SATB2: variants seen among roughly 807,000 people sequenced by gnomAD.
SATB2 encodes the protein DNA-binding protein SATB2.
A neutral mutation model predicts 73.4 loss-of-function variants in SATB2; 1 was observed. The ratio of observed to expected loss-of-function variants is 0.01; its 90% CI spans 0.00 to 0.06. SATB2 has a LOEUF of 0.06. Among genes scored for constraint, SATB2 ranks in the 10% least tolerant of loss-of-function variants. The pLI, the probability that SATB2 is intolerant of heterozygous loss-of-function variation, is 1.00. For synonymous variants in SATB2, 397 were observed against 367.0 expected (o/e 1.08, Z -0.93); for missense variants, 459 against 945.8 (o/e 0.49, Z 6.75).
chr2:199,400,879 A>G (rs1690450601), intron 3 of SATB2, among the ~76,000 whole-genome samples: 1 of 152,168 alleles, frequency 6.6e-6, no homozygotes, highest in African/African-American at 2.4e-5. Flanking sequence ...TACCTGAGAA[A>G]TCTCCAATTG....
At chr2:199,417,285 C>G (rs918466082) in intron 3 of SATB2, among the ~76,000 whole-genome samples, 2 of 151,990 alleles carry the variant, frequency 1.3e-5, no homozygotes, top group Non-Finnish European at 2.9e-5. Flanking sequence ...TCAAGGGTGA[C>G]AAGTTCAGTT....
chr2:199,388,573 T>C (rs1389532986), intron 3 of SATB2, among the ~76,000 whole-genome samples: 1 of 152,178 alleles, frequency 6.6e-6, no homozygotes, highest in Non-Finnish European at 1.5e-5. Flanking sequence ...CCCAGCAAGA[T>C]ATCCAGCAGT....
chr2:199,351,899 C>A (rs2105827477), intron 6 of SATB2, among the ~76,000 whole-genome samples: 1 of 152,292 alleles, frequency 6.6e-6, no homozygotes, highest in Admixed American at 6.5e-5. Context: ...GAGACCGAGT[C>A]TCACTCTGTT....
rs556517608 is a variant in SATB2, at chr2:199,308,558, A to G, written c.1740+202T>C. Among the ~76,000 whole-genome samples, 1 of 151,504 alleles carries G rather than the reference A, an allele frequency of 6.6e-6. No homozygotes were observed. Among genetic ancestry groups the G allele is most frequent in the East Asian group, 1.9e-4 (1 of 5,152 alleles). On this transcript the variant is annotated intron_variant, in intron 10 of 10. Transcript: ENST00000417098. The surrounding 1 kb of genome is among the most constrained non-coding windows in gnomAD (Gnocchi z 4.6). ...TTTCTTTGTGTGTGCATACACACAC[A>G]CACACGCACGCACATGCACACACAC...
At chr2:199,368,471 G>A in intron 6 of SATB2, 134 bp downstream of exon 6, 1 of 663,490 alleles carries the variant, frequency 1.5e-6, no homozygotes, top group Middle Eastern at 3.8e-4. Context: ...TCTCATGACA[G>A]GAATATTAAA....
chr2:199,406,608 T>C (rs1690636168), intron 3 of SATB2, among the ~76,000 whole-genome samples: 1 of 152,196 alleles, frequency 6.6e-6, no homozygotes, highest in Non-Finnish European at 1.5e-5. Flanking sequence ...AATACATTTA[T>C]GAAGGTGAAC....
intron 2 of SATB2, among the ~76,000 whole-genome samples, chr2:199,447,586 G>A (rs1369040383): frequency 6.6e-6 from 1 of 152,122 alleles, no homozygotes; most frequent in Non-Finnish European, 1.5e-5. Context: ...AAAAAAGGAG[G>A]GGGAGAGAGT....
rs899419186 is a variant in SATB2, at chr2:199,321,332, T to C, written c.1542+2471A>G. ...ATACACGTCTATGTATAGACATATA[T>C]GTATGTACATATGTCTATGTATAGA... On this transcript the variant is annotated intron_variant, in intron 9 of 10. Coordinates refer to ENST00000417098, the MANE Select transcript of SATB2 (RefSeq NM_001172509.2). 3.3e-5 allele frequency among the ~76,000 whole-genome samples: 5 copies of C among 151,552 alleles called. No individual in the cohort carries two copies. In the Admixed American group the frequency reaches 3.3e-4, roughly 10 times the overall value.
At chr2:199,403,227 T>C (rs946135532) in intron 3 of SATB2, among the ~76,000 whole-genome samples, 2 of 152,172 alleles carry the variant, frequency 1.3e-5, no homozygotes, top group African/African-American at 2.4e-5. Flanking sequence ...AATTATGTTA[T>C]ACTCACACAA....
At chr2:199,392,468 A>G (rs1055910093) in intron 3 of SATB2, among the ~76,000 whole-genome samples, 4 of 152,150 alleles carry the variant, frequency 2.6e-5, no homozygotes, top group African/African-American at 9.7e-5. Context: ...TTTTTTTTAA[A>G]CCATATTTAG....
At chr2:199,408,523 A>T (rs921362540) in intron 3 of SATB2, among the ~76,000 whole-genome samples, 1 of 152,266 alleles carries the variant, frequency 6.6e-6, no homozygotes, top group South Asian at 2.1e-4. Flanking sequence ...GAGCAACCAG[A>T]TACAAGGGGG....
chr2:199,272,701 A>C lies in SATB2; in HGVS notation c.1741-29T>G, dbSNP rs770782844. 135 of 1,586,072 alleles carry C rather than the reference A, an allele frequency of 8.5e-5. 1 individual carries two copies. Among genetic ancestry groups the C allele is most frequent in the Non-Finnish European group, 1.1e-4 (126 of 1,154,686 alleles). On this transcript the variant is annotated intron_variant, in intron 10 of 10. Transcript: ENST00000417098. This position sits in a 1 kb window ranked among gnomAD's most constrained non-coding sequence, Gnocchi z 6.7. Reference sequence around the variant, plus strand: ...ATAATTAAGAGAGAAAAAAATGAACACTGGACTCATGATTTTACCTTTCCA... The same window carrying C: ...ATAATTAAGAGAGAAAAAAATGAACCCTGGACTCATGATTTTACCTTTCCA...
chr2:199,418,829 C>T (rs1320736250), intron 3 of SATB2, among the ~76,000 whole-genome samples: 11 of 152,166 alleles, frequency 7.2e-5, no homozygotes, highest in African/African-American at 2.7e-4. Flanking sequence ...AGACTATGAT[C>T]TGCTGTACGG....
At chr2:199,346,136 A>C (rs1172701970) in intron 7 of SATB2, among the ~76,000 whole-genome samples, 1 of 151,188 alleles carries the variant, frequency 6.6e-6, no homozygotes, top group African/African-American at 2.4e-5. Context: ...ACAAAAACTT[A>C]TTTTTCTTTT....
intron 5 of SATB2, among the ~76,000 whole-genome samples, chr2:199,374,455 G>C (rs1689539171): frequency 1.3e-5 from 2 of 152,168 alleles, no homozygotes; most frequent in Middle Eastern, 3.2e-3. Flanking sequence ...TCCATTTGGA[G>C]AGTTGAAAAA....
chr2:199,383,591 G>T (rs544683133), intron 3 of SATB2, among the ~76,000 whole-genome samples: 1 of 152,148 alleles, frequency 6.6e-6, no homozygotes, highest in Non-Finnish European at 1.5e-5. Flanking sequence ...GACAGAATGG[G>T]GGGGAATGAA....
At chr2:199,440,193 C>T (rs1004740553) in intron 2 of SATB2, among the ~76,000 whole-genome samples, 9 of 152,152 alleles carry the variant, frequency 5.9e-5, no homozygotes, top group Non-Finnish European at 1.2e-4. Context: ...TTCTCACCTC[C>T]CTGTTGGGGT....
At chr2:199,420,570 G>A (rs1691134795) in intron 3 of SATB2, among the ~76,000 whole-genome samples, 1 of 152,152 alleles carries the variant, frequency 6.6e-6, no homozygotes, top group Non-Finnish European at 1.5e-5. Context: ...TTAATCCCCT[G>A]ATTTACAGCA....
At chr2:199,362,157 A>T (rs758475057) in intron 6 of SATB2, among the ~76,000 whole-genome samples, 43 of 152,154 alleles carry the variant, frequency 2.8e-4, no homozygotes, top group Non-Finnish European at 5.4e-4. Flanking sequence ...ATATTATAGT[A>T]TCAGGATAAA....
Sources: allele counts gnomAD v4.1 joint callset (sites outside exome capture counted in the v4.1 genomes callset), GRCh38; gene constraint gnomAD v4.1.1; non-coding constraint Gnocchi (gnomAD v3.1); transcripts MANE v1.5; gene names NCBI Gene and HGNC (gene_info 2026-07-23, HGNC 2026-07-21).